PKNOX2: variants seen among roughly 807,000 people sequenced by gnomAD.
PKNOX2 encodes PBX/knotted 1 homeobox 2.
PKNOX2 carries 14 observed loss-of-function variants against 53.1 expected under a neutral mutation model. The observed-to-expected ratio is 0.26, with a 90% CI of 0.17 to 0.41. PKNOX2 has a LOEUF of 0.41. PKNOX2 is among the 10% of genes least tolerant of loss of function. The pLI is 1.00. For synonymous variants in PKNOX2, 257 were observed against 242.8 expected (o/e 1.06, Z -0.54); for missense variants, 496 against 602.8 (o/e 0.82, Z 1.85).
chr11:125,258,085 C>G (rs764930690), intron 2 of PKNOX2, among the ~76,000 whole-genome samples: 9 of 152,130 alleles, frequency 5.9e-5, no homozygotes, highest in Non-Finnish European at 1.2e-4. Flanking sequence ...GCCTTATTGT[C>G]AGGTCCCAAC....
chr11:125,345,112 T>C (rs1950900191), intron 3 of PKNOX2, among the ~76,000 whole-genome samples: 1 of 152,030 alleles, frequency 6.6e-6, no homozygotes, highest in Admixed American at 6.5e-5. Flanking sequence ...GCTGCCTGAA[T>C]CCTCAGGGTC....
At chr11:125,312,313 A>G (rs1948858331) in intron 2 of PKNOX2, among the ~76,000 whole-genome samples, 1 of 152,216 alleles carries the variant, frequency 6.6e-6, no homozygotes, top group Non-Finnish European at 1.5e-5. Flanking sequence ...CTATCAAAAA[A>G]ATGCCTGGTG....
intron 2 of PKNOX2, among the ~76,000 whole-genome samples, chr11:125,317,397 G>T (rs1285544321): frequency 6.6e-6 from 1 of 152,156 alleles, no homozygotes; most frequent in African/African-American, 2.4e-5. Context: ...TCCACCAGAG[G>T]AATTGCTATC....
chr11:125,368,916 G>C (rs4937003), intron 5 of PKNOX2, among the ~76,000 whole-genome samples: 2 of 152,174 alleles, frequency 1.3e-5, no homozygotes, highest in African/African-American at 4.8e-5. Context: ...ATATTCCCTT[G>C]TGGGAGCTTA....
At chr11:125,228,704 C>A (rs1941935461) in intron 1 of PKNOX2, among the ~76,000 whole-genome samples, 1 of 152,144 alleles carries the variant, frequency 6.6e-6, no homozygotes, top group Non-Finnish European at 1.5e-5. Flanking sequence ...AGAGAAAAAA[C>A]CCTCGGTTGG....
chr11:125,325,214 G>A (rs144864293), intron 2 of PKNOX2, among the ~76,000 whole-genome samples: 2 of 152,258 alleles, frequency 1.3e-5, no homozygotes, highest in Non-Finnish European at 2.9e-5. Context: ...CAGGTCTCTT[G>A]ACTGCTTCTG....
chr11:125,430,996 G>A (rs902518391), intron 12 of PKNOX2, among the ~76,000 whole-genome samples, 170 bp from the exon 13 acceptor site: 2 of 152,238 alleles, frequency 1.3e-5, no homozygotes, highest in African/African-American at 4.8e-5. Context: ...GCTGACTAGT[G>A]AATGGATGGG....
rs562926948 is a variant in PKNOX2, at chr11:125,215,706, C to T, written c.-200-19339C>T. On this transcript the variant is annotated intron_variant, in intron 1 of 12. Coordinates refer to ENST00000298282, the MANE Select transcript of PKNOX2 (RefSeq NM_001382323.2). ...GGCAGAGGTTGCAGTGAGCCAAGAT[C>T]GTGCCATTGTACTCCAACCTGGGCA... Among the ~76,000 whole-genome samples, 481 of 150,074 alleles carry T rather than the reference C, an allele frequency of 3.2e-3. 6 individuals are homozygous for T. Among genetic ancestry groups the T allele is most frequent in the Non-Finnish European group, 6.2e-3 (411 of 66,408 alleles).
At chr11:125,360,061 G>A (rs959617136) in intron 4 of PKNOX2, among the ~76,000 whole-genome samples, 1 of 151,778 alleles carries the variant, frequency 6.6e-6, no homozygotes, top group Non-Finnish European at 1.5e-5. Flanking sequence ...CAGGAGAATC[G>A]CCTGAATCCA....
At chr11:125,284,427 G>C (rs1591512248) in intron 2 of PKNOX2, among the ~76,000 whole-genome samples, 1 of 152,200 alleles carries the variant, frequency 6.6e-6, no homozygotes, top group South Asian at 2.1e-4. Context: ...ATAGATTGTG[G>C]TGCGTGTTAG....
At chr11:125,398,450 C>G (rs1360175034) in intron 7 of PKNOX2, among the ~76,000 whole-genome samples, 1 of 152,220 alleles carries the variant, frequency 6.6e-6, no homozygotes, top group African/African-American at 2.4e-5. Context: ...ATCTGCATTT[C>G]TGGGAAAGGG....
intron 1 of PKNOX2, among the ~76,000 whole-genome samples, chr11:125,217,008 AACACACACAC>A (rs10571639): frequency 2.2e-4 from 32 of 147,226 alleles, no homozygotes; most frequent in African/African-American, 7.5e-4. Flanking sequence ...ATCCCCTCAA[AACACACACAC>A]ACACACACAC....
chr11:125,172,302 T>G (rs1220643152), intron 1 of PKNOX2, among the ~76,000 whole-genome samples: 1 of 152,210 alleles, frequency 6.6e-6, no homozygotes, highest in Non-Finnish European at 1.5e-5. Context: ...CTTTCCACGT[T>G]GGCTTCTCAA....
intron 2 of PKNOX2, among the ~76,000 whole-genome samples, chr11:125,262,699 G>A (rs748021808): frequency 1.3e-5 from 2 of 151,954 alleles, no homozygotes; most frequent in African/African-American, 2.4e-5. Flanking sequence ...TGCTGGGAGG[G>A]GCTCGGAACT....
At chr11:125,277,885 C>T (rs969554951) in intron 2 of PKNOX2, among the ~76,000 whole-genome samples, 1 of 152,124 alleles carries the variant, frequency 6.6e-6, no homozygotes, top group Non-Finnish European at 1.5e-5. Context: ...ACATGTACCC[C>T]CCAAATATAC....
chr11:125,242,556 C>T lies in PKNOX2; in HGVS notation c.-130+7441C>T, dbSNP rs563418687. Among the ~76,000 whole-genome samples the T allele has an allele frequency of 3.9e-5, 6 of 152,190 alleles. No individual in the cohort carries two copies. In the East Asian group the frequency reaches 1.2e-3, roughly 29 times the overall value. On this transcript the variant is annotated intron_variant, in intron 2 of 12. Coordinates refer to ENST00000298282, the MANE Select transcript of PKNOX2 (RefSeq NM_001382323.2). Reference sequence around the variant, plus strand: ...CTGGTTACTGGTTCTGGACTGCTGCCCAGCTGGTGGGGGGACATCAGGGGT... The same window carrying T: ...CTGGTTACTGGTTCTGGACTGCTGCTCAGCTGGTGGGGGGACATCAGGGGT...
At chr11:125,247,391 T>C (rs968253428) in intron 2 of PKNOX2, among the ~76,000 whole-genome samples, 1 of 152,150 alleles carries the variant, frequency 6.6e-6, no homozygotes, top group African/African-American at 2.4e-5. Context: ...ACCCTGGGTT[T>C]CTATACTGTC....
intron 1 of PKNOX2, among the ~76,000 whole-genome samples, chr11:125,219,912 A>G (rs1304915141): frequency 2.0e-5 from 3 of 152,230 alleles, no homozygotes; most frequent in African/African-American, 4.8e-5. Context: ...TCCTAAAGAC[A>G]TTCTTGTACC....
At chr11:125,182,582 C>T (rs1956216250) in intron 1 of PKNOX2, among the ~76,000 whole-genome samples, 2 of 152,184 alleles carry the variant, frequency 1.3e-5, no homozygotes, top group Non-Finnish European at 2.9e-5. Flanking sequence ...AATAAAGTAC[C>T]TGGCATATTA....
Sources: gnomAD v4.1 joint callset for allele counts (sites outside exome capture counted in the v4.1 genomes callset) on GRCh38, gnomAD v4.1.1 for gene constraint, MANE v1.5 for transcripts, NCBI Gene and HGNC (gene_info 2026-07-23, HGNC 2026-07-21) for gene names.